ERC1: variants seen among roughly 807,000 people sequenced by gnomAD.
ERC1 encodes RAB6 interacting protein 2.
In ERC1, 56 loss-of-function variants were observed where a neutral mutation model predicts 132.0. That is an observed-to-expected ratio of 0.42 (90% confidence interval 0.34 to 0.53). The LOEUF (loss-of-function observed/expected upper bound fraction) is 0.53, where lower values mean the gene tolerates loss of function less well. ERC1 is among the 20% of genes least tolerant of loss of function. ERC1 has a pLI of 0.03. For synonymous variants in ERC1, 478 were observed against 476.1 expected (o/e 1.00, Z -0.05); for missense variants, 1,202 against 1,349.9 (o/e 0.89, Z 1.72).
At chr12:1,068,787 A>G (rs1318101837) in intron 2 of ERC1, among the ~76,000 whole-genome samples, 5 of 152,098 alleles carry the variant, frequency 3.3e-5, no homozygotes, top group Non-Finnish European at 4.4e-5. Flanking sequence ...TTTTTTCAAC[A>G]GGGAACTTTC....
rs559078060 is a variant in ERC1 at position 1,255,918 on chromosome 12, C to T, written c.2488-7116C>T. Among the ~76,000 whole-genome samples, 7 of 151,916 alleles carry T rather than the reference C, an allele frequency of 4.6e-5. No homozygotes were observed. In the South Asian group the frequency reaches 6.3e-4, roughly 14 times the overall value. On this transcript the variant is annotated intron_variant, in intron 13 of 18. Coordinates refer to ENST00000360905, the MANE Select transcript of ERC1 (RefSeq NM_178040.4). ...CCTCCCAAAGTGCTGGGATTACAGG[C>T]GTGAGTTTAATGATCGCCATTCTAA...
rs1960983962 is a variant in ERC1 at position 996,660 on chromosome 12, G to A, written c.-157+5338G>A. Among the ~76,000 whole-genome samples the A allele has an allele frequency of 2.0e-5, 3 of 152,104 alleles. No homozygotes were observed. In the South Asian group the frequency reaches 6.2e-4, roughly 31 times the overall value. On this transcript the variant is annotated intron_variant, in intron 1 of 18. Coordinates refer to ENST00000360905, the MANE Select transcript of ERC1 (RefSeq NM_178040.4). ...CTGGGAGTGCTAAGGAAAGGCACAT[G>A]ACTTCTTATTGTTGTTGTTAATTTT...
chr12:1,032,234 A>G (rs1968179753), intron 2 of ERC1, among the ~76,000 whole-genome samples: 1 of 152,004 alleles, frequency 6.6e-6, no homozygotes, highest in African/African-American at 2.4e-5. Context: ...GTATTTTAGT[A>G]AAGATGAGGT....
chr12:1,238,525 C>G (rs557227232), intron 13 of ERC1, among the ~76,000 whole-genome samples: 47 of 152,220 alleles, frequency 3.1e-4, no homozygotes, highest in Middle Eastern at 6.8e-3. Flanking sequence ...TGCTCACAAA[C>G]TTGAATTGAT....
intron 18 of ERC1, among the ~76,000 whole-genome samples, chr12:1,475,232 G>C (rs2093947013): frequency 6.6e-6 from 1 of 152,188 alleles, no homozygotes; most frequent in Non-Finnish European, 1.5e-5. Flanking sequence ...GTTTGGACAT[G>C]CTTCAAATTT....
At chr12:1,096,260 TC>T (rs1020022541) in intron 3 of ERC1, among the ~76,000 whole-genome samples, 2 of 152,234 alleles carry the variant, frequency 1.3e-5, no homozygotes, top group Non-Finnish European at 2.9e-5. Context: ...TTTTCGGTTT[TC>T]TTTAGGAATT....
chr12:1,169,286 C>CCACTTT (rs1952794982), intron 8 of ERC1, among the ~76,000 whole-genome samples: 1 of 152,198 alleles, frequency 6.6e-6, no homozygotes, highest in Admixed American at 6.5e-5. Context: ...AGAAAGCCCT[C>CCACTTT]CACTTTCCCT....
At chr12:1,182,980 C>T (rs372174881) in intron 10 of ERC1, among the ~76,000 whole-genome samples, 5 of 152,116 alleles carry the variant, frequency 3.3e-5, no homozygotes, top group African/African-American at 9.7e-5. Flanking sequence ...TTTAAGTTAA[C>T]GTAGCTACTG....
chr12:1,369,496 C>T (rs772704134), intron 15 of ERC1, among the ~76,000 whole-genome samples: 2 of 152,200 alleles, frequency 1.3e-5, no homozygotes, highest in Admixed American at 1.3e-4. Context: ...TGCTTGCCTG[C>T]TACTAAATAT....
chr12:1,328,474 T>C (rs911687376), intron 15 of ERC1, among the ~76,000 whole-genome samples: 13 of 152,150 alleles, frequency 8.5e-5, no homozygotes, highest in Admixed American at 1.3e-4. Flanking sequence ...TGTATGGTCA[T>C]GTTATTTCCT....
At chr12:1,127,292 C>T (rs866994192) in intron 7 of ERC1, among the ~76,000 whole-genome samples, 1 of 152,116 alleles carries the variant, frequency 6.6e-6, no homozygotes, top group African/African-American at 2.4e-5. Context: ...GTATATTTCC[C>T]AGAAAAACTT....
At chr12:1,281,874 A>G (rs1030829073) in intron 14 of ERC1, among the ~76,000 whole-genome samples, 1 of 152,138 alleles carries the variant, frequency 6.6e-6, no homozygotes, top group African/African-American at 2.4e-5. Context: ...GCCTCTTTCT[A>G]ACATCAGTGA....
chr12:1,346,858 T>C lies in ERC1; in HGVS notation c.2781-24975T>C, dbSNP rs1009993961. On this transcript the variant is annotated intron_variant, in intron 15 of 18. Coordinates refer to ENST00000360905, the MANE Select transcript of ERC1 (RefSeq NM_178040.4). ...TGGGGAGGCTGAGGCAGGAGAATGG[T>C]GTGAACCCGGGAAGCGGAGCTTGCA... Among the ~76,000 whole-genome samples, 26 of 149,360 alleles carry C rather than the reference T, an allele frequency of 1.7e-4. 1 individual carries two copies. The highest frequency in any genetic ancestry group is 4.7e-4 in the African/African-American group (19 of 40,136).
chr12:1,365,655 A>G (rs2086593190), intron 15 of ERC1, among the ~76,000 whole-genome samples: 1 of 152,220 alleles, frequency 6.6e-6, no homozygotes, highest in African/African-American at 2.4e-5. Context: ...GCAGCCCTAA[A>G]TAAAATAAAA....
chr12:1,042,249 G>T (rs1970336799), intron 2 of ERC1, among the ~76,000 whole-genome samples: 1 of 151,898 alleles, frequency 6.6e-6, no homozygotes, highest in Non-Finnish European at 1.5e-5. Context: ...GTGTTAGCTA[G>T]GATGGTCTTA....
At chr12:1,070,338 C>A (rs1197153073) in intron 2 of ERC1, among the ~76,000 whole-genome samples, 1 of 151,116 alleles carries the variant, frequency 6.6e-6, no homozygotes, top group East Asian at 1.9e-4. Context: ...TCTCACTCTG[C>A]CGCCCAGGCT....
chr12:1,471,611 C>T (rs964968444), intron 18 of ERC1, among the ~76,000 whole-genome samples: 2 of 150,978 alleles, frequency 1.3e-5, no homozygotes, highest in African/African-American at 2.5e-5. Context: ...GTTAGCAACA[C>T]GTGTTTCTTG....
At chr12:1,049,143 G>C (rs1010730265) in intron 2 of ERC1, among the ~76,000 whole-genome samples, 3 of 152,072 alleles carry the variant, frequency 2.0e-5, no homozygotes, top group African/African-American at 7.2e-5. Context: ...TTATGTTTTT[G>C]TCAAGAAACA....
chr12:1,261,241 C>G (rs911685496), intron 13 of ERC1, among the ~76,000 whole-genome samples: 3 of 152,170 alleles, frequency 2.0e-5, no homozygotes, highest in Non-Finnish European at 4.4e-5. Context: ...AGAAGCCTCT[C>G]AGGAGACTTG....
Sources: gnomAD v4.1 joint callset for allele counts (sites outside exome capture counted in the v4.1 genomes callset) on GRCh38, gnomAD v4.1.1 for gene constraint, MANE v1.5 for transcripts, NCBI Gene and HGNC (gene_info 2026-07-23, HGNC 2026-07-21) for gene names.